TPRG1: variants seen among roughly 807,000 people sequenced by gnomAD.
The protein encoded by TPRG1 is tumor protein p63-regulated gene 1 protein.
TPRG1 carries 29 observed loss-of-function variants against 29.3 expected under a neutral mutation model. The observed-to-expected ratio is 0.99, with a 90% CI of 0.74 to 1.35. TPRG1 has a LOEUF of 1.35. TPRG1 is among the 40% of genes most tolerant of loss of function. The pLI is 0.00. For missense variants in TPRG1, 327 were observed against 335.0 expected (o/e 0.98, Z 0.19); for synonymous variants, 130 against 116.8 (o/e 1.11, Z -0.73).
At chr3:189,203,565 G>A (rs1578802622) in intron 1 of TPRG1, among the ~76,000 whole-genome samples, 1 of 152,154 alleles carries the variant, frequency 6.6e-6, no homozygotes, top group South Asian at 2.1e-4. Context: ...ATGTTTGCGT[G>A]TTATTTTGAA....
At chr3:189,209,280 G>A (rs1028353500) in intron 2 of TPRG1, among the ~76,000 whole-genome samples, 5 of 152,200 alleles carry the variant, frequency 3.3e-5, no homozygotes, top group Non-Finnish European at 7.4e-5. Flanking sequence ...AGTTGTCACA[G>A]TGCATGGTGA....
chr3:189,062,783 C>T (rs1490279225), intron 4 of TPRG1, among the ~76,000 whole-genome samples: 1 of 151,956 alleles, frequency 6.6e-6, no homozygotes, highest in Non-Finnish European at 1.5e-5. Flanking sequence ...CTGAGAAATA[C>T]TATAAATAAA....
chr3:189,259,715 C>A (rs888053880), intron 4 of TPRG1, among the ~76,000 whole-genome samples: 1 of 152,074 alleles, frequency 6.6e-6, no homozygotes, highest in African/African-American at 2.4e-5. Flanking sequence ...AGTGATCCAC[C>A]CGCCTGGGCC....
rs543245343 is a variant in TPRG1, at chr3:189,303,537, AT to A, written c.480-6840del. Among the ~76,000 whole-genome samples the A allele has an allele frequency of 6.0e-5, 9 of 151,152 alleles. No homozygotes were observed. In the South Asian group the frequency reaches 1.0e-3, roughly 18 times the overall value. On this transcript the variant is annotated intron_variant, in intron 4 of 5. Transcript: ENST00000345063. ...CTATAAATGCAAGGATTTGAACCAC[AT>A]TTTTTTTTGACTACCAGTCCAGGGA...
intron 4 of TPRG1, among the ~76,000 whole-genome samples, chr3:189,025,265 T>C (rs978280078): frequency 6.6e-5 from 10 of 152,256 alleles, no homozygotes; most frequent in Admixed American, 5.9e-4. Context: ...CAAAGATCCA[T>C]AGGAGAAGTG....
In TPRG1 at chr3:189,053,140, C is replaced by G. The variant is rs547004783; in HGVS notation, c.-463+29194C>G. Among the ~76,000 whole-genome samples the G allele has an allele frequency of 6.4e-4, 97 of 152,332 alleles. 1 individual carries two copies. The highest frequency in any genetic ancestry group is 2.3e-3 in the African/African-American group (95 of 41,576). On this transcript the variant is annotated intron_variant, in intron 4 of 10. Transcript: ENST00000433971. ...GCTTCATCAATTATCTTAGCTAAAT[C>G]TTCTGAATAACTTGTGGCTCCTATA... is the stretch of plus-strand genomic sequence containing the variant.
intron 4 of TPRG1, among the ~76,000 whole-genome samples, chr3:189,035,901 C>T (rs569051510): frequency 2.0e-5 from 3 of 152,080 alleles, no homozygotes; most frequent in Admixed American, 2.0e-4. Context: ...ACCATTCTAC[C>T]CAGCAATCCC....
rs185042580 is a variant in TPRG1 at position 189,285,059 on chromosome 3, C to G, written c.480-25327C>G. On this transcript the variant is annotated intron_variant, in intron 4 of 5. Coordinates refer to ENST00000345063, the MANE Select transcript of TPRG1 (RefSeq NM_198485.4). Reference sequence around the variant, plus strand: ...TACTCATCTGACAAAGGGCTAATATCCAGAATCTACAATGAACTCAAACAA... The same window carrying G: ...TACTCATCTGACAAAGGGCTAATATGCAGAATCTACAATGAACTCAAACAA... Among the ~76,000 whole-genome samples the G allele has an allele frequency of 2.8e-3, 419 of 152,224 alleles. 3 individuals are homozygous for G. The highest frequency in any genetic ancestry group is 9.5e-3 in the African/African-American group (396 of 41,532).
chr3:189,072,188 T>C (rs1716850827), intron 4 of TPRG1, among the ~76,000 whole-genome samples: 1 of 152,196 alleles, frequency 6.6e-6, no homozygotes, highest in Non-Finnish European at 1.5e-5. Flanking sequence ...CTTTCATCAA[T>C]GTCTTGAAGC....
intron 1 of TPRG1, among the ~76,000 whole-genome samples, chr3:189,110,205 C>G (rs1381564546): frequency 6.6e-6 from 1 of 152,170 alleles, no homozygotes; most frequent in East Asian, 1.9e-4. Flanking sequence ...TTCAAGGTGG[C>G]TGTAAGTTTG....
intron 4 of TPRG1, among the ~76,000 whole-genome samples, chr3:189,285,076 C>G (rs1717824726): frequency 6.6e-6 from 1 of 152,158 alleles, no homozygotes; most frequent in Non-Finnish European, 1.5e-5. Context: ...CTACAATGAA[C>G]TCAAACAAAT....
At chr3:189,311,148 T>TC (rs1158386186) in intron 5 of TPRG1, among the ~76,000 whole-genome samples, 1 of 152,002 alleles carries the variant, frequency 6.6e-6, no homozygotes, top group Non-Finnish European at 1.5e-5. Context: ...TTCTCTCACC[T>TC]CCCCCAGGCA....
intron 2 of TPRG1, among the ~76,000 whole-genome samples, chr3:189,131,096 G>A (rs1560471971): frequency 6.6e-6 from 1 of 152,110 alleles, no homozygotes. Flanking sequence ...ATCCTTTTTG[G>A]CAGCATAATT....
At chr3:189,196,792 G>A (rs1732609733) in intron 1 of TPRG1, among the ~76,000 whole-genome samples, 1 of 152,158 alleles carries the variant, frequency 6.6e-6, no homozygotes, top group East Asian at 1.9e-4. Context: ...GCATGTCATA[G>A]TTCAATAAAG....
intron 3 of TPRG1, among the ~76,000 whole-genome samples, chr3:189,011,371 A>G (rs1363743047): frequency 6.6e-6 from 1 of 152,196 alleles, no homozygotes; most frequent in Non-Finnish European, 1.5e-5. Flanking sequence ...CATTTTCACG[A>G]TATTGATTCC....
At chr3:189,015,705 A>G (rs1356065096) in intron 3 of TPRG1, among the ~76,000 whole-genome samples, 6 of 152,326 alleles carry the variant, frequency 3.9e-5, no homozygotes, top group East Asian at 3.9e-4. Context: ...AAAAGGGGCC[A>G]GGATACAGCT....
At chr3:189,234,359 A>T (rs1367694281) in intron 3 of TPRG1, among the ~76,000 whole-genome samples, 1 of 152,250 alleles carries the variant, frequency 6.6e-6, no homozygotes, top group African/African-American at 2.4e-5. Flanking sequence ...AACTCTGGCA[A>T]ATAAAAGCAT....
At chr3:189,266,984 A>C (rs561760244) in intron 4 of TPRG1, among the ~76,000 whole-genome samples, 1 of 152,136 alleles carries the variant, frequency 6.6e-6, no homozygotes, top group South Asian at 2.1e-4. Flanking sequence ...CAAATGGAGG[A>C]CAATGGTCTA....
At chr3:189,194,076 C>G (rs984687996) in intron 1 of TPRG1, among the ~76,000 whole-genome samples, 12 of 151,606 alleles carry the variant, frequency 7.9e-5, no homozygotes, top group Non-Finnish European at 1.5e-4. Flanking sequence ...AGATTTTCAC[C>G]TGCACCTGCT....
Sources: allele counts gnomAD v4.1 joint callset (sites outside exome capture counted in the v4.1 genomes callset), GRCh38; gene constraint gnomAD v4.1.1; transcripts MANE v1.5; gene names NCBI Gene and HGNC (gene_info 2026-07-23, HGNC 2026-07-21).